MYO9A: variants seen among roughly 807,000 people sequenced by gnomAD.
MYO9A encodes myosin IXA, also known as unconventional myosin-IXa.
A neutral mutation model predicts 293.3 loss-of-function variants in MYO9A; 103 were observed. The ratio of observed to expected loss-of-function variants is 0.35; its 90% CI spans 0.30 to 0.41. MYO9A has a LOEUF of 0.41. Ranked by LOEUF, MYO9A falls within the 10% of genes least tolerant of loss-of-function variation. The pLI, the probability that MYO9A is intolerant of heterozygous loss-of-function variation, is 1.00. For missense variants in MYO9A, 2,685 were observed against 3,033.0 expected (o/e 0.89, Z 2.69); for synonymous variants, 1,001 against 1,035.7 (o/e 0.97, Z 0.64).
Position 71,843,965 on chromosome 15 carries a change from A to C in MYO9A, c.6837+4880T>G, listed in dbSNP as rs114479668. ...TCACTCTTCAAGACCCCATAGTACT[A>C]ATGTCTTAGAGTTTGCTTCAAAACA... On this transcript the variant is annotated intron_variant, in intron 39 of 41. Coordinates refer to ENST00000356056, the MANE Select transcript of MYO9A (RefSeq NM_006901.4). Among the ~76,000 whole-genome samples the C allele has an allele frequency of 2.7e-3, 415 of 152,352 alleles. 3 individuals carry two copies. Among genetic ancestry groups the C allele is most frequent in the African/African-American group, 9.6e-3 (398 of 41,590 alleles).
At chr15:71,886,426 G>C (rs1344363272) in intron 27 of MYO9A, among the ~76,000 whole-genome samples, 3 of 151,976 alleles carry the variant, frequency 2.0e-5, no homozygotes, top group Non-Finnish European at 4.4e-5. Flanking sequence ...AATGAAGAAG[G>C]CTGGCAAATC....
At chr15:72,088,861 T>C (rs1161009106) in intron 1 of MYO9A, among the ~76,000 whole-genome samples, 1 of 152,180 alleles carries the variant, frequency 6.6e-6, no homozygotes, top group African/African-American at 2.4e-5. Flanking sequence ...TAACCCACCA[T>C]CAACAAAATA....
chr15:72,035,169 T>G (rs997386982), intron 2 of MYO9A, among the ~76,000 whole-genome samples: 1 of 152,120 alleles, frequency 6.6e-6, no homozygotes, highest in Non-Finnish European at 1.5e-5. Flanking sequence ...CTGGTGGAAA[T>G]GCAAAATGGT....
chr15:71,952,218 G>A (rs1414488187), intron 14 of MYO9A, among the ~76,000 whole-genome samples: 1 of 151,994 alleles, frequency 6.6e-6, no homozygotes, highest in Non-Finnish European at 1.5e-5. Flanking sequence ...TTTTTAAAAG[G>A]ACTTATTTTT....
Position 71,878,194 on chromosome 15 carries a change from T to C in MYO9A, c.5777A>G (p.Tyr1926Cys), listed in dbSNP as rs2056753101. The C allele has an allele frequency of 1.9e-6, 3 of 1,602,862 alleles. 1 individual carries two copies. Among genetic ancestry groups the C allele is most frequent in the Admixed American group, 1.8e-5 (1 of 56,314 alleles). Residue 1926 changes from tyrosine to cysteine, a missense_variant, in exon 31 of 42, where the codon TAT becomes TGT. Coordinates refer to ENST00000356056, the MANE Select transcript of MYO9A (RefSeq NM_006901.4). ...TTCCAGAATCTGTTCAAATAGTGCATAGAGGTCTTTATACCGTATGCTTTT... is the reference window on the plus strand; with the variant it reads ...TTCCAGAATCTGTTCAAATAGTGCACAGAGGTCTTTATACCGTATGCTTTT... ...DGKSIRYKDLYALFEQILEKT... is the reference protein window; with the variant it reads ...DGKSIRYKDLCALFEQILEKT...
Position 71,910,168 on chromosome 15 carries a change from G to GTGTGTATATATATATATATATA in MYO9A, c.2686-5163_2686-5162insTATATATATATATATATACACA, listed in dbSNP as rs56277057. Among the ~76,000 whole-genome samples, 5 of 128,330 alleles carry GTGTGTATATATATATATATATA rather than the reference G, an allele frequency of 3.9e-5. No homozygotes were observed. The East Asian group carries it at 6.9e-4, about 18-fold the overall frequency. 84.2% of individuals were successfully genotyped at this position (128,330 alleles called of 152,430 possible). On this transcript the variant is annotated intron_variant, in intron 19 of 41. Coordinates refer to ENST00000356056, the MANE Select transcript of MYO9A (RefSeq NM_006901.4). ...CGTGTGTGTGTATATATATATACGT[G>GTGTGTATATATATATATATATA]TATATATATATATAAAATCAGAAAC... is the stretch of plus-strand genomic sequence containing the variant.
At chr15:71,873,905 A>G (rs1307403700) in intron 32 of MYO9A, among the ~76,000 whole-genome samples, 1 of 152,178 alleles carries the variant, frequency 6.6e-6, no homozygotes, top group Non-Finnish European at 1.5e-5. Context: ...TGTCTTCCCT[A>G]TCCTTTCCTT....
chr15:72,006,937 C>T (rs1262539424), intron 8 of MYO9A, among the ~76,000 whole-genome samples: 1 of 152,116 alleles, frequency 6.6e-6, no homozygotes, highest in African/African-American at 2.4e-5. Context: ...TACATGTATA[C>T]TGGAATTAAA....
At chr15:72,113,069 GAA>G (rs2080839237) in intron 1 of MYO9A, among the ~76,000 whole-genome samples, 1 of 152,056 alleles carries the variant, frequency 6.6e-6, no homozygotes. Flanking sequence ...TATTTTTTCT[GAA>G]CTTATATTTT....
At chr15:71,880,888 G>A (rs1311199255) in intron 28 of MYO9A, among the ~76,000 whole-genome samples, 1 of 152,194 alleles carries the variant, frequency 6.6e-6, no homozygotes, top group Non-Finnish European at 1.5e-5. Flanking sequence ...CCAAAGAAAA[G>A]AAGAGAATAT....
intron 1 of MYO9A, among the ~76,000 whole-genome samples, chr15:72,051,552 G>A (rs989663111): frequency 2.0e-5 from 3 of 152,084 alleles, no homozygotes; most frequent in Non-Finnish European, 4.4e-5. Context: ...AAGGCCCCCC[G>A]CCCAGTCCCT....
chr15:72,046,017 G>C lies in MYO9A; in HGVS notation c.547C>G (p.Leu183Val), dbSNP rs1394052103. Residue 183 changes from leucine (L) to valine (V), a missense_variant, in exon 2 of 42, where the codon CTA becomes GTA. Coordinates refer to ENST00000356056, the MANE Select transcript of MYO9A (RefSeq NM_006901.4). ...EKIYTYVGSI[L>V]IVINPFKFLP... ...AACTTGAATGGGTTAATAACTATTA[G>C]AATACTGCCAACATAGGTATAAATT... 6.2e-7 allele frequency: 1 copy of C among 1,613,886 alleles called. No homozygotes were observed.
chr15:71,888,011 C>G lies in MYO9A; in HGVS notation c.5248G>C (p.Asp1750His), dbSNP rs764422039. Residue 1750 changes from aspartate (D) to histidine (H), a missense_variant, in exon 27 of 42, where the codon GAT (aspartate) becomes CAT (histidine). By Grantham distance (81) the Asp-to-His change is moderately conservative. Transcript: ENST00000356056. The stretch of plus-strand genomic sequence containing the variant: ...TCCGTGTATACTTTATACCTTATAT[C>G]TGAATCTGAAGCCTTCTGTCTCACT... The part of the protein sequence containing the change: ...LAVRQKASDS[D>H]IRPQRAKMRF... 1 of 1,561,634 alleles carries G rather than the reference C, an allele frequency of 6.4e-7. No individual in the cohort carries two copies. The highest frequency in any genetic ancestry group is 8.8e-7 in the Non-Finnish European group (1 of 1,135,542).
chr15:71,951,715 G>A, intron 15 of MYO9A, 62 bp downstream of exon 15: 1 of 1,603,228 alleles, frequency 6.2e-7, no homozygotes, highest in South Asian at 1.1e-5. Flanking sequence ...GGTGTAGGAT[G>A]CTCCTGGTTT....
At chr15:71,935,703 C>T (rs781362591) in intron 16 of MYO9A, among the ~76,000 whole-genome samples, 27 of 152,206 alleles carry the variant, frequency 1.8e-4, no homozygotes, top group Admixed American at 5.2e-4. Context: ...CACATACAAA[C>T]GTGCATGTAG....
At chr15:71,964,803 A>G (rs1285866441) in intron 13 of MYO9A, among the ~76,000 whole-genome samples, 1 of 151,556 alleles carries the variant, frequency 6.6e-6, no homozygotes, top group Non-Finnish European at 1.5e-5. Flanking sequence ...AAAAACAAAA[A>G]AATTAGCCAG....
intron 18 of MYO9A, among the ~76,000 whole-genome samples, chr15:71,919,662 G>A (rs145018554): frequency 0.012 from 1,854 of 151,842 alleles, 59 homozygotes; most frequent in Admixed American, 0.058. Context: ...CCAACATGGC[G>A]AAACCCCATC....
chr15:72,085,781 G>C (rs1013648566), intron 1 of MYO9A, among the ~76,000 whole-genome samples: 2 of 152,164 alleles, frequency 1.3e-5, no homozygotes, highest in African/African-American at 4.8e-5. Flanking sequence ...TGAAGATGCT[G>C]TCCTTCGAAA....
chr15:71,922,041 G>A (rs1011657928), intron 18 of MYO9A, among the ~76,000 whole-genome samples: 6 of 151,956 alleles, frequency 3.9e-5, no homozygotes, highest in African/African-American at 1.5e-4. Flanking sequence ...GCAGTGGCGC[G>A]ATCCTGGCTC....
Sources: allele counts gnomAD v4.1 joint callset (sites outside exome capture counted in the v4.1 genomes callset), GRCh38; gene constraint gnomAD v4.1.1; transcripts MANE v1.5; gene names NCBI Gene and HGNC (gene_info 2026-07-23, HGNC 2026-07-21).